COL4A2: variants seen among roughly 807,000 people sequenced by gnomAD.
COL4A2 encodes collagen type IV alpha 2 chain.
A neutral mutation model predicts 200.2 loss-of-function variants in COL4A2; 99 were observed. The ratio of observed to expected loss-of-function variants is 0.49; its 90% CI spans 0.42 to 0.58. COL4A2 has a LOEUF of 0.58. COL4A2 is among the 20% of genes least tolerant of loss of function. The pLI is 0.00. For synonymous variants in COL4A2, 897 were observed against 900.6 expected (o/e 1.00, Z 0.07); for missense variants, 1,950 against 2,314.1 (o/e 0.84, Z 3.23).
At position 110,466,037 on chromosome 13, in the gene COL4A2, T is replaced by A; in HGVS notation, c.2013T>A (p.Gly671=). The stretch of plus-strand genomic sequence containing the variant: ...CAGATGTGAAAAGGGCCGTTGGAGG[T>A]GACAGACAGGAGGCCATCCAGCCAG... ...CDTDVKRAVG[G]DRQEAIQPGC... is the part of the protein sequence containing the mutation. Residue 671 remains glycine (G), a synonymous_variant, in exon 26 of 48, where the codon GGT becomes GGA. Coordinates refer to ENST00000360467, the MANE Select transcript of COL4A2 (RefSeq NM_001846.4). The A allele has an allele frequency of 6.2e-7, 1 of 1,613,620 alleles. No individual in the cohort carries two copies.
At chr13:110,344,610 C>T (rs958299248) in intron 3 of COL4A2, among the ~76,000 whole-genome samples, 4 of 152,154 alleles carry the variant, frequency 2.6e-5, no homozygotes, top group African/African-American at 4.8e-5. Flanking sequence ...TACACATCAG[C>T]ACAGCAAACT....
At position 110,496,549 on chromosome 13, in the gene COL4A2, C is replaced by T. The variant is rs113842217; in HGVS notation, c.3760+1082C>T. ...AGTCCACCAGCACAGCCTCAGCCAG[C>T]GGTGAGGATCTAGGGTCAGTCCACC... On this transcript the variant is annotated intron_variant, in intron 40 of 47. Transcript: ENST00000360467. Among the ~76,000 whole-genome samples, 36 of 146,658 alleles carry T rather than the reference C, an allele frequency of 2.5e-4. No homozygotes were observed. The South Asian group carries it at 4.0e-3, about 16-fold the overall frequency.
chr13:110,366,405 A>G (rs7333596), intron 4 of COL4A2, among the ~76,000 whole-genome samples: 60,922 of 152,016 alleles, frequency 0.4, 12,330 homozygotes, highest in Middle Eastern at 0.56. Context: ...GAGGTGGTCT[A>G]CACAAGACTC....
At chr13:110,392,343 A>T (rs1879019039) in intron 4 of COL4A2, among the ~76,000 whole-genome samples, 1 of 152,208 alleles carries the variant, frequency 6.6e-6, no homozygotes, top group Non-Finnish European at 1.5e-5. Context: ...ACGTAAATGG[A>T]GGAGGACTGG....
intron 4 of COL4A2, among the ~76,000 whole-genome samples, chr13:110,406,433 A>G (rs1879571883): frequency 6.6e-6 from 1 of 152,312 alleles, no homozygotes; most frequent in East Asian, 1.9e-4. Context: ...ATGTCAGTAA[A>G]TTCACAGCAA....
chr13:110,322,654 G>A (rs1453450364), intron 3 of COL4A2, among the ~76,000 whole-genome samples: 6 of 152,214 alleles, frequency 3.9e-5, no homozygotes, highest in Non-Finnish European at 7.3e-5. Flanking sequence ...CCCTCTTCCT[G>A]TGGTACTGGG....
intron 4 of COL4A2, among the ~76,000 whole-genome samples, chr13:110,383,903 C>T (rs1027659114): frequency 2.0e-5 from 3 of 152,078 alleles, no homozygotes; most frequent in African/African-American, 2.4e-5. Flanking sequence ...TGAGCCACTG[C>T]GCCTGGCTGT....
At chr13:110,326,223 T>C (rs1432408590) in intron 3 of COL4A2, among the ~76,000 whole-genome samples, 2 of 152,202 alleles carry the variant, frequency 1.3e-5, no homozygotes, top group African/African-American at 4.8e-5. Context: ...TGAATTTTTT[T>C]ATTGGAAAAT....
At chr13:110,357,649 G>C in intron 4 of COL4A2, 97 bp downstream of exon 4, 1 of 1,505,636 alleles carries the variant, frequency 6.6e-7, no homozygotes, top group Non-Finnish European at 9.0e-7. Context: ...TGGCTGGGCA[G>C]TTTCATCATT....
intron 11 of COL4A2, among the ~76,000 whole-genome samples, chr13:110,433,726 C>A (rs190922039): frequency 3.6e-4 from 55 of 152,282 alleles, no homozygotes; most frequent in Non-Finnish European, 4.4e-5. Context: ...GGACAGTGCC[C>A]GTGATGTGCA....
At chr13:110,345,610 G>A (rs1361828973) in intron 3 of COL4A2, among the ~76,000 whole-genome samples, 3 of 152,112 alleles carry the variant, frequency 2.0e-5, no homozygotes, top group Non-Finnish European at 4.4e-5. Context: ...TTTTTAACCT[G>A]ATATGGGCTC....
intron 3 of COL4A2, among the ~76,000 whole-genome samples, chr13:110,318,230 C>T (rs577368602): frequency 3.9e-5 from 6 of 152,178 alleles, no homozygotes; most frequent in South Asian, 2.1e-4. Context: ...AATTCACTCA[C>T]GAGTTCTAGA....
intron 4 of COL4A2, 50 bp downstream of exon 4, chr13:110,357,602 G>T (rs369263408): frequency 3.9e-6 from 6 of 1,549,966 alleles, no homozygotes; most frequent in Non-Finnish European, 5.2e-6. Flanking sequence ...ATACAGTCAT[G>T]CCTCGCTTAA....
intron 27 of COL4A2, chr13:110,468,425 G>A (rs921757747): frequency 1.6e-5 from 7 of 431,278 alleles, no homozygotes; most frequent in Non-Finnish European, 2.9e-5. Flanking sequence ...AGGCCAGCAC[G>A]CTCAGCACAC....
Position 110,450,396 on chromosome 13 carries a change from T to C in COL4A2, c.1281T>C (p.Pro427=), listed in dbSNP as rs1223825633. 6.2e-7 allele frequency: 1 copy of C among 1,613,994 alleles called. No individual in the cohort carries two copies. Among genetic ancestry groups the C allele is most frequent in the Non-Finnish European group, 8.5e-7 (1 of 1,179,988 alleles). Reference sequence around the variant, plus strand: ...CGCTCTACGGGGGCCCACCTGGACCTGATGGAAAGCGAGGGCCTCCAGGAC... The same window carrying C: ...CGCTCTACGGGGGCCCACCTGGACCCGATGGAAAGCGAGGGCCTCCAGGAC... ...IPALYGGPPG[P]DGKRGPPGPP... is the part of the protein sequence containing the mutation. Residue 427 remains proline (P), a synonymous_variant, in exon 20 of 48, where the codon CCT becomes CCC. Coordinates refer to ENST00000360467, the MANE Select transcript of COL4A2 (RefSeq NM_001846.4).
At chr13:110,448,513 A>C (rs1174049404) in intron 18 of COL4A2, among the ~76,000 whole-genome samples, 2 of 152,248 alleles carry the variant, frequency 1.3e-5, no homozygotes, top group Non-Finnish European at 2.9e-5. Context: ...AAGGTTGACT[A>C]ACCAGCAGAT....
At chr13:110,357,944 G>T (rs1877357331) in intron 4 of COL4A2, among the ~76,000 whole-genome samples, 2 of 152,226 alleles carry the variant, frequency 1.3e-5, no homozygotes, top group African/African-American at 4.8e-5. Context: ...GTGAAGGCCT[G>T]GGGCGTGACC....
At chr13:110,469,462 T>A in intron 28 of COL4A2, 138 bp downstream of exon 28, 1 of 901,068 alleles carries the variant, frequency 1.1e-6, no homozygotes, top group Non-Finnish European at 1.6e-6. Flanking sequence ...GCATTTGTCC[T>A]TGGGAGATTA....
In COL4A2 at chr13:110,308,073, C is replaced by G. The variant is rs200430407; in HGVS notation, c.49C>G (p.Leu17Val). The change falls in exon 3 of 48, where the codon CTG becomes GTG. Residue 17 changes from leucine to valine, a missense_variant. By Grantham distance (32) the Leu-to-Val change is conservative. Coordinates refer to ENST00000360467, the MANE Select transcript of COL4A2 (RefSeq NM_001846.4). Reference protein sequence around the residue: ...AVAGPALRRWLLLGTVTVGFL... With the variant: ...AVAGPALRRWVLLGTVTVGFL... ...CTTCCTCCCTTTCCCATGCAGGTGG[C>G]TGCTGCTGGGGACAGTGACCGTGGG... The G allele has an allele frequency of 1.1e-4, 170 of 1,613,820 alleles. No individual in the cohort carries two copies. In the African/African-American group the frequency reaches 2.0e-3, roughly 19 times the overall value.
Sources: gnomAD v4.1 joint callset for allele counts (sites outside exome capture counted in the v4.1 genomes callset) on GRCh38, gnomAD v4.1.1 for gene constraint, MANE v1.5 for transcripts, NCBI Gene and HGNC (gene_info 2026-07-23, HGNC 2026-07-21) for gene names.